The following NPAS3 variants were observed in gnomAD, a reference collection of about 807,000 sequenced individuals.
The protein encoded by NPAS3 is neuronal PAS domain-containing protein 3.
Under a neutral mutation model 73.1 loss-of-function variants are expected in NPAS3, and 14 were observed. That is an observed-to-expected ratio of 0.19 (90% CI 0.13 to 0.30). NPAS3 has a LOEUF of 0.30. NPAS3 is among the 10% of genes least tolerant of loss of function. NPAS3 has a pLI of 1.00. For missense variants in NPAS3, 1,096 were observed against 1,250.0 expected, an observed-to-expected ratio of 0.88 and a Z score of 1.86; for synonymous variants, 620 against 541.5, an observed-to-expected ratio of 1.14 and a Z score of -2.01.
intron 5 of NPAS3, among the ~76,000 whole-genome samples, chr14:33,567,588 T>C (rs1373792031): frequency 6.6e-6 from 1 of 152,226 alleles, no homozygotes; most frequent in African/African-American, 2.4e-5. Context: ...ATTGATGTGC[T>C]CAGAGTTGAA....
chr14:33,606,071 T>TTTTTTA (rs1170476190), intron 5 of NPAS3, among the ~76,000 whole-genome samples: 2 of 151,078 alleles, frequency 1.3e-5, no homozygotes, highest in East Asian at 3.9e-4. Context: ...CTGACTTTCT[T>TTTTTTA]TTATTATTAT....
At chr14:33,012,688 A>G (rs959250052) in intron 1 of NPAS3, among the ~76,000 whole-genome samples, 2 of 151,916 alleles carry the variant, frequency 1.3e-5, no homozygotes, top group African/African-American at 4.8e-5. Context: ...AGCTGGGATT[A>G]CAGGCGCCCG....
chr14:32,955,490 G>T (rs1312828961), intron 1 of NPAS3, among the ~76,000 whole-genome samples: 1 of 152,098 alleles, frequency 6.6e-6, no homozygotes, highest in Non-Finnish European at 1.5e-5. Context: ...TTGAGAAGCT[G>T]ATCATAGTTC....
At chr14:33,198,638 C>A (rs1208762998) in intron 2 of NPAS3, among the ~76,000 whole-genome samples, 1 of 152,236 alleles carries the variant, frequency 6.6e-6, no homozygotes, top group Non-Finnish European at 1.5e-5. Flanking sequence ...CATAAAAGTT[C>A]TCCAAGTCCC....
chr14:32,988,371 A>T (rs2038180150), intron 1 of NPAS3, among the ~76,000 whole-genome samples: 1 of 152,242 alleles, frequency 6.6e-6, no homozygotes, highest in Admixed American at 6.5e-5. Flanking sequence ...AATTATAAAA[A>T]GTAATTCCTT....
At chr14:33,085,367 A>T (rs774478772) in intron 2 of NPAS3, among the ~76,000 whole-genome samples, 1 of 152,210 alleles carries the variant, frequency 6.6e-6, no homozygotes, top group Non-Finnish European at 1.5e-5. Context: ...AAATGGCGTA[A>T]TTATTTATTC....
At chr14:33,243,339 A>T (rs1010149767) in intron 3 of NPAS3, among the ~76,000 whole-genome samples, 1 of 152,122 alleles carries the variant, frequency 6.6e-6, no homozygotes, top group African/African-American at 2.4e-5. Context: ...TGTCTTGTTA[A>T]TCCTAAGTAA....
At chr14:33,177,068 CTTT>C (rs1555350272) in intron 2 of NPAS3, among the ~76,000 whole-genome samples, 120 of 70,722 alleles carry the variant, frequency 1.7e-3, no homozygotes, top group African/African-American at 4.9e-3. Flanking sequence ...GGCTGTTTAT[CTTT>C]TTATTATTAT....
At chr14:33,536,054 T>G (rs2054248033) in intron 4 of NPAS3, among the ~76,000 whole-genome samples, 1 of 152,170 alleles carries the variant, frequency 6.6e-6, no homozygotes, top group African/African-American at 2.4e-5. Flanking sequence ...GCAAGTTCTC[T>G]AAACAGCTGA....
chr14:33,041,256 C>G (rs781441246), intron 1 of NPAS3, among the ~76,000 whole-genome samples: 1 of 152,138 alleles, frequency 6.6e-6, no homozygotes, highest in Non-Finnish European at 1.5e-5. Flanking sequence ...CTCAGGACAG[C>G]TTCAGGTCAG....
intron 3 of NPAS3, among the ~76,000 whole-genome samples, chr14:33,301,251 C>T (rs2042519094): frequency 1.4e-5 from 2 of 147,208 alleles, no homozygotes; most frequent in Admixed American, 1.4e-4. Flanking sequence ...TCCTGAAGGT[C>T]CTCACAGTTT....
intron 3 of NPAS3, among the ~76,000 whole-genome samples, chr14:33,335,030 T>TTGTGTGTGTGCGTGTGTGTG (rs1491383211): frequency 2.1e-5 from 3 of 144,266 alleles, no homozygotes; most frequent in East Asian, 4.0e-4. Context: ...TGGTATTCCA[T>TTGTGTGTGTGCGTGTGTGTG]TGTGTGTGTG....
chr14:33,492,962 G>T (rs1472385496), intron 4 of NPAS3, among the ~76,000 whole-genome samples: 2 of 152,070 alleles, frequency 1.3e-5, no homozygotes, highest in Non-Finnish European at 2.9e-5. Context: ...CCTTAACCTC[G>T]ATTTATGGTA....
intron 5 of NPAS3, among the ~76,000 whole-genome samples, chr14:33,595,543 T>A: frequency 6.6e-6 from 1 of 152,144 alleles, no homozygotes; most frequent in East Asian, 1.9e-4. Context: ...AACATATGCA[T>A]GTAAAATTTT....
At chr14:33,788,255 C>T (rs760320820) in intron 9 of NPAS3, among the ~76,000 whole-genome samples, 2 of 152,176 alleles carry the variant, frequency 1.3e-5, no homozygotes, top group African/African-American at 2.4e-5. Flanking sequence ...ACCTGCTCTC[C>T]GTTCTCCGCG....
At chr14:33,658,906 A>C (rs1239181927) in intron 5 of NPAS3, among the ~76,000 whole-genome samples, 1 of 152,172 alleles carries the variant, frequency 6.6e-6, no homozygotes, top group Non-Finnish European at 1.5e-5. Context: ...GATCAGATTC[A>C]ACAGCCCAAC....
chr14:33,565,378 C>T (rs2055874880), intron 5 of NPAS3, among the ~76,000 whole-genome samples: 2 of 152,146 alleles, frequency 1.3e-5, no homozygotes, highest in South Asian at 2.1e-4. Flanking sequence ...AACCATGGTG[C>T]CAAATGTGGT....
intron 6 of NPAS3, among the ~76,000 whole-genome samples, chr14:33,726,435 CT>C (rs2061266387): frequency 6.6e-6 from 1 of 152,128 alleles, no homozygotes; most frequent in Admixed American, 6.6e-5. Flanking sequence ...TCTGTAAAGC[CT>C]TTTACCAATC....
chr14:33,043,580 A>G (rs1441812780), intron 1 of NPAS3, among the ~76,000 whole-genome samples: 1 of 152,176 alleles, frequency 6.6e-6, no homozygotes, highest in Non-Finnish European at 1.5e-5. Context: ...TTTAATTGTT[A>G]TAATGAATAG....
Sources: gnomAD v4.1 joint callset for allele counts (sites outside exome capture counted in the v4.1 genomes callset) on GRCh38, gnomAD v4.1.1 for gene constraint, MANE v1.5 for transcripts, NCBI Gene and HGNC (gene_info 2026-07-23, HGNC 2026-07-21) for gene names.